Variants in TRAPPC9 observed in about 807,000 individuals in gnomAD.
The protein encoded by TRAPPC9 is trafficking protein particle complex subunit 9.
In TRAPPC9, 83 loss-of-function variants were observed where a neutral mutation model predicts 124.0. The ratio of observed to expected loss-of-function variants is 0.67; its 90% confidence interval spans 0.56 to 0.80. The LOEUF (loss-of-function observed/expected upper bound fraction) is 0.80. Ranked by LOEUF, TRAPPC9 falls within the 30% of genes least tolerant of loss-of-function variation. TRAPPC9 has a pLI of 0.00. For synonymous variants in TRAPPC9, 638 were observed against 617.5 expected (o/e 1.03, Z -0.49); for missense variants, 1,302 against 1,508.3 (o/e 0.86, Z 2.27).
At chr8:140,286,339 G>A (rs1441401213) in intron 13 of TRAPPC9, among the ~76,000 whole-genome samples, 2 of 152,212 alleles carry the variant, frequency 1.3e-5, no homozygotes, top group Admixed American at 6.5e-5. Context: ...GATAACAAGG[G>A]CCTGGCGACA....
chr8:139,915,597 T>C (rs1412616185), intron 19 of TRAPPC9, among the ~76,000 whole-genome samples: 1 of 152,198 alleles, frequency 6.6e-6, no homozygotes, highest in African/African-American at 2.4e-5. Context: ...CAAGGCGTAT[T>C]ACCCGCTGTT....
chr8:139,816,799 A>G (rs980637573), intron 21 of TRAPPC9, among the ~76,000 whole-genome samples: 2 of 151,592 alleles, frequency 1.3e-5, no homozygotes, highest in African/African-American at 4.9e-5. Flanking sequence ...GGGTCCGCCA[A>G]CTCCTGCCAG....
intron 21 of TRAPPC9, among the ~76,000 whole-genome samples, chr8:139,764,352 C>T (rs768448780): frequency 1.3e-5 from 2 of 152,044 alleles, no homozygotes; most frequent in Non-Finnish European, 2.9e-5. Flanking sequence ...ATAGGAGATG[C>T]CACAACATCT....
intron 17 of TRAPPC9, among the ~76,000 whole-genome samples, chr8:140,155,646 G>A (rs1048291873): frequency 6.6e-6 from 1 of 152,110 alleles, no homozygotes; most frequent in Non-Finnish European, 1.5e-5. Flanking sequence ...GTTTTAATAC[G>A]TAACCCTTCA....
chr8:139,919,027 C>T (rs565361321), intron 19 of TRAPPC9, among the ~76,000 whole-genome samples: 44 of 152,346 alleles, frequency 2.9e-4, no homozygotes, highest in Admixed American at 2.8e-3. Flanking sequence ...GCCTCTGACA[C>T]ACAGCATGCA....
chr8:139,800,073 G>A (rs769112940), intron 21 of TRAPPC9, among the ~76,000 whole-genome samples: 1 of 152,224 alleles, frequency 6.6e-6, no homozygotes, highest in Non-Finnish European at 1.5e-5. Context: ...AAACACCTAC[G>A]CTTGCTAGCA....
intron 20 of TRAPPC9, among the ~76,000 whole-genome samples, chr8:139,908,921 C>A (rs1210155475): frequency 1.3e-5 from 2 of 152,172 alleles, no homozygotes; most frequent in African/African-American, 4.8e-5. Flanking sequence ...TGTTCCTGTT[C>A]ACTACGTGAG....
intron 21 of TRAPPC9, among the ~76,000 whole-genome samples, chr8:139,755,531 GGGTTTGGGGATGA>G (rs1819675064): frequency 6.9e-6 from 1 of 145,510 alleles, no homozygotes; most frequent in Non-Finnish European, 1.5e-5. Flanking sequence ...GGAGGAGCCA[GGGTTTGGGGATGA>G]GGACAGCAGG....
At chr8:139,738,710 G>C (rs933483379) in intron 21 of TRAPPC9, among the ~76,000 whole-genome samples, 1 of 152,174 alleles carries the variant, frequency 6.6e-6, no homozygotes, top group African/African-American at 2.4e-5. Context: ...AGAGCAGCTG[G>C]TGAGCCCAAC....
chr8:139,931,666 T>A (rs1833149865), intron 19 of TRAPPC9: 2 of 153,014 alleles, frequency 1.3e-5, no homozygotes, highest in South Asian at 4.1e-4. Context: ...CAGATCTACA[T>A]CCTGCCCGCC....
intron 17 of TRAPPC9, among the ~76,000 whole-genome samples, chr8:140,177,772 A>T (rs2130987707): frequency 6.6e-6 from 1 of 152,200 alleles, no homozygotes; most frequent in South Asian, 2.1e-4. Context: ...TCATTTTCTC[A>T]AGACAATCTT....
intron 16 of TRAPPC9, among the ~76,000 whole-genome samples, chr8:140,250,892 A>C (rs1251579709): frequency 1.3e-5 from 2 of 152,182 alleles, no homozygotes; most frequent in Non-Finnish European, 2.9e-5. Context: ...TTTTGTTTTA[A>C]AAGATAGAAG....
chr8:140,369,038 C>A (rs1196909556), intron 8 of TRAPPC9, among the ~76,000 whole-genome samples: 1 of 152,216 alleles, frequency 6.6e-6, no homozygotes, highest in Non-Finnish European at 1.5e-5. Context: ...CACACCACAA[C>A]AGCAGGGTCC....
intron 17 of TRAPPC9, among the ~76,000 whole-genome samples, chr8:140,112,230 G>C (rs2060791450): frequency 6.6e-6 from 1 of 152,160 alleles, no homozygotes; most frequent in Non-Finnish European, 1.5e-5. Flanking sequence ...TGGGAGGAGA[G>C]TAATGGAGAA....
At chr8:140,284,115 CA>C (rs1160126185) in intron 13 of TRAPPC9, 94 bp from the exon 14 acceptor site, 12 of 1,562,400 alleles carry the variant, frequency 7.7e-6, no homozygotes, top group Admixed American at 1.7e-5. Context: ...GGCTCCTCTT[CA>C]GAAGACCTGA....
chr8:139,895,744 A>G lies in TRAPPC9; in HGVS notation c.2965-9775T>C, dbSNP rs566636722. Among the ~76,000 whole-genome samples the G allele has an allele frequency of 2.0e-5, 3 of 152,346 alleles. No homozygotes were observed. The East Asian group carries it at 5.8e-4, about 29-fold the overall frequency. On this transcript the variant is annotated intron_variant, in intron 20 of 22. Transcript: ENST00000438773. ...GCAAGTCACTGATACACTTGGGCTCAAAACACACATTTTTGTTTTTCTTTC... is the reference window on the plus strand; with the variant it reads ...GCAAGTCACTGATACACTTGGGCTCGAAACACACATTTTTGTTTTTCTTTC...
chr8:140,275,904 TC>T, intron 14 of TRAPPC9, 83 bp from the exon 15 acceptor site: 2 of 1,115,598 alleles, frequency 1.8e-6, no homozygotes, highest in Non-Finnish European at 2.7e-6. Context: ...CAAAGAAGAA[TC>T]ACCATACTCA....
intron 17 of TRAPPC9, among the ~76,000 whole-genome samples, chr8:140,156,036 T>C (rs1031899275): frequency 1.3e-5 from 2 of 152,186 alleles, no homozygotes; most frequent in Non-Finnish European, 2.9e-5. Flanking sequence ...ATGTTAGCTG[T>C]ATAATTGAGG....
chr8:139,818,698 T>G (rs1425793556), intron 21 of TRAPPC9, among the ~76,000 whole-genome samples: 1 of 152,248 alleles, frequency 6.6e-6, no homozygotes, highest in Non-Finnish European at 1.5e-5. Flanking sequence ...GTGTAAATAC[T>G]TCCTGCCTGG....
Sources: allele counts gnomAD v4.1 joint callset (sites outside exome capture counted in the v4.1 genomes callset), GRCh38; gene constraint gnomAD v4.1.1; transcripts MANE v1.5; gene names NCBI Gene and HGNC (gene_info 2026-07-23, HGNC 2026-07-21).